The following ANKFN1 variants were observed in gnomAD, a reference collection of about 807,000 sequenced individuals.
ANKFN1 encodes the protein ankyrin repeat and fibronectin type III domain containing 1.
A neutral mutation model predicts 108.7 loss-of-function variants in ANKFN1; 74 were observed. The ratio of observed to expected loss-of-function variants is 0.68; its 90% CI spans 0.56 to 0.83. ANKFN1 has a LOEUF of 0.83. ANKFN1 is among the 40% of genes least tolerant of loss of function. ANKFN1 has a pLI of 0.00. For missense variants in ANKFN1, 1,505 were observed against 1,382.3 expected, an observed-to-expected ratio of 1.09 and a Z score of -1.41; for synonymous variants, 547 against 516.2, an observed-to-expected ratio of 1.06 and a Z score of -0.81.
intron 8 of ANKFN1, among the ~76,000 whole-genome samples, chr17:56,400,011 G>A (rs986401968): frequency 4.7e-5 from 7 of 150,360 alleles, no homozygotes; most frequent in African/African-American, 1.7e-4. Context: ...TTTGTTCCAC[G>A]ATTTTGCAAT....
chr17:56,182,580 A>C (rs901160921), intron 1 of ANKFN1, among the ~76,000 whole-genome samples: 1 of 152,224 alleles, frequency 6.6e-6, no homozygotes, highest in East Asian at 1.9e-4. Flanking sequence ...TTGGTTCATG[A>C]GGTTTAAGTA....
intron 18 of ANKFN1, among the ~76,000 whole-genome samples, chr17:56,487,787 A>T (rs1185916847): frequency 6.6e-6 from 1 of 152,222 alleles, no homozygotes; most frequent in Non-Finnish European, 1.5e-5. Flanking sequence ...TTCCTTACAG[A>T]GATAATACTT....
intron 4 of ANKFN1, among the ~76,000 whole-genome samples, chr17:56,090,910 G>A (rs900607119): frequency 3.3e-5 from 5 of 151,152 alleles, no homozygotes; most frequent in African/African-American, 7.3e-5. Flanking sequence ...GCCTGGCTAG[G>A]CGTTTGCTTT....
intron 4 of ANKFN1, among the ~76,000 whole-genome samples, chr17:56,120,185 T>C (rs1906527912): frequency 6.6e-6 from 1 of 152,180 alleles, no homozygotes; most frequent in Non-Finnish European, 1.5e-5. Context: ...TTGTCATCAT[T>C]GTCATTATCA....
At chr17:56,474,892 C>A (rs2050446834) in intron 15 of ANKFN1, among the ~76,000 whole-genome samples, 1 of 152,110 alleles carries the variant, frequency 6.6e-6, no homozygotes, top group Non-Finnish European at 1.5e-5. Context: ...ATAATTGCTT[C>A]TTGATCATGA....
chr17:56,379,234 T>C (rs1245421074), intron 8 of ANKFN1, among the ~76,000 whole-genome samples: 2 of 151,916 alleles, frequency 1.3e-5, no homozygotes, highest in Non-Finnish European at 2.9e-5. Flanking sequence ...CCGTCTCTAC[T>C]AAAAAATACA....
intron 3 of ANKFN1, among the ~76,000 whole-genome samples, chr17:56,230,317 C>G (rs1288826783): frequency 6.6e-6 from 1 of 152,096 alleles, no homozygotes; most frequent in Admixed American, 6.6e-5. Context: ...GAGTATGTTA[C>G]TTAACCCTTC....
chr17:56,380,660 C>T (rs1027994413), intron 8 of ANKFN1, among the ~76,000 whole-genome samples: 5 of 152,240 alleles, frequency 3.3e-5, no homozygotes, highest in Admixed American at 1.3e-4. Flanking sequence ...GAGGGTCCTA[C>T]GCCCACGGAG....
intron 3 of ANKFN1, among the ~76,000 whole-genome samples, chr17:56,251,931 T>G (rs1457355553): frequency 6.6e-6 from 1 of 152,196 alleles, no homozygotes; most frequent in Non-Finnish European, 1.5e-5. Context: ...GCATGCCTAC[T>G]CTCCTTAGGA....
At chr17:56,355,419 T>C (rs1338288496) in intron 6 of ANKFN1, among the ~76,000 whole-genome samples, 2 of 152,074 alleles carry the variant, frequency 1.3e-5, no homozygotes, top group Admixed American at 1.3e-4. Context: ...AAGACTGACA[T>C]ACTGGAGGAA....
In ANKFN1 at chr17:56,184,311, G is replaced by A. The variant is rs531953519; in HGVS notation, c.-70-28287G>A. ...TCAGTCAGCAGCCAGCAACATAGAG[G>A]CAAGACCCTTCACCAGCAAAAAGGT... is the stretch of plus-strand genomic sequence containing the variant. On this transcript the variant is annotated intron_variant, in intron 1 of 20. Transcript: ENST00000682825. Among the ~76,000 whole-genome samples, 98 of 152,230 alleles carry A rather than the reference G, an allele frequency of 6.4e-4. 1 individual carries two copies. Among genetic ancestry groups the A allele is most frequent in the Admixed American group, 6.0e-3 (91 of 15,294 alleles).
intron 4 of ANKFN1, among the ~76,000 whole-genome samples, chr17:56,060,596 A>G (rs1203607199): frequency 6.6e-6 from 1 of 152,192 alleles, no homozygotes; most frequent in Non-Finnish European, 1.5e-5. Context: ...TTATTTTGAG[A>G]TATTTTCCAT....
At position 56,283,421 on chromosome 17, in the gene ANKFN1, G is replaced by A. The variant is rs185155744; in HGVS notation, c.54-42800G>A. Among the ~76,000 whole-genome samples the A allele has an allele frequency of 6.6e-5, 10 of 152,010 alleles. No homozygotes were observed. In the East Asian group the frequency reaches 1.9e-3, roughly 29 times the overall value. ...GGAAAAGAAGTCATTATACGAAAAA[G>A]ATAACTTGCACACATATGTTTATCG... On this transcript the variant is annotated intron_variant, in intron 3 of 20. Transcript: ENST00000682825.
intron 1 of ANKFN1, among the ~76,000 whole-genome samples, chr17:56,207,687 G>A (rs928080304): frequency 6.6e-6 from 1 of 151,908 alleles, no homozygotes; most frequent in Non-Finnish European, 1.5e-5. Flanking sequence ...TCCTAATTTG[G>A]CTCCCTCCCT....
intron 1 of ANKFN1, among the ~76,000 whole-genome samples, chr17:56,183,260 G>A (rs1911862912): frequency 6.6e-6 from 1 of 152,064 alleles, no homozygotes; most frequent in South Asian, 2.1e-4. Flanking sequence ...ATGGATCCTG[G>A]CAGAGTACAT....
chr17:56,242,809 A>G (rs984040296), intron 3 of ANKFN1, among the ~76,000 whole-genome samples: 1 of 152,118 alleles, frequency 6.6e-6, no homozygotes, highest in African/African-American at 2.4e-5. Context: ...GTTTTTTGTT[A>G]AATGACTTCT....
chr17:56,470,394 A>C (rs1390274348), intron 15 of ANKFN1, among the ~76,000 whole-genome samples: 3 of 152,124 alleles, frequency 2.0e-5, no homozygotes, highest in Non-Finnish European at 4.4e-5. Context: ...ACTAATTTAC[A>C]TTTCCACCAA....
At chr17:56,415,392 A>C (rs2048214847) in intron 8 of ANKFN1, among the ~76,000 whole-genome samples, 1 of 152,238 alleles carries the variant, frequency 6.6e-6, no homozygotes, top group Non-Finnish European at 1.5e-5. Context: ...ATCAACGTAC[A>C]AAAATCAGTA....
intron 1 of ANKFN1, among the ~76,000 whole-genome samples, chr17:56,208,870 C>T (rs1914739391): frequency 6.6e-6 from 1 of 151,864 alleles, no homozygotes; most frequent in African/African-American, 2.4e-5. Flanking sequence ...CATGATGCCT[C>T]TTTTATTTTA....
Sources: allele counts gnomAD v4.1 joint callset (sites outside exome capture counted in the v4.1 genomes callset), GRCh38; gene constraint gnomAD v4.1.1; transcripts MANE v1.5; gene names NCBI Gene and HGNC (gene_info 2026-07-23, HGNC 2026-07-21).